The following CUX1 variants were observed in gnomAD, a reference collection of about 807,000 sequenced individuals.
CUX1 encodes the protein protein CASP.
In CUX1, 31 loss-of-function variants were observed where a neutral mutation model predicts 158.8. The ratio of observed to expected loss-of-function variants is 0.20; its 90% CI spans 0.15 to 0.26. The LOEUF is 0.26. Ranked by LOEUF, CUX1 falls within the 10% of genes least tolerant of loss-of-function variation. CUX1 has a pLI of 1.00. For missense variants in CUX1, 1,589 were observed against 2,014.6 expected, an observed-to-expected ratio of 0.79 and a Z score of 4.04; for synonymous variants, 879 against 862.1, an observed-to-expected ratio of 1.02 and a Z score of -0.34.
rs2129333034 is a variant in CUX1 at position 102,028,093 on chromosome 7, T to C, written c.142-5T>C. 2 of 1,612,296 alleles carry C rather than the reference T, an allele frequency of 1.2e-6. No individual in the cohort carries two copies. The highest frequency in any genetic ancestry group is 1.3e-5 in the African/African-American group (1 of 74,972). On this transcript the variant is annotated splice_polypyrimidine_tract_variant and splice_region_variant and intron_variant, in intron 2 of 23. Transcript: ENST00000292535. ...CTGCTTCCTGACCTCCGCCTCCTGCTCCAGGATTTGCGCAAGCAGGTAGCG... is the reference window on the plus strand; with the variant it reads ...CTGCTTCCTGACCTCCGCCTCCTGCCCCAGGATTTGCGCAAGCAGGTAGCG...
intron 2 of CUX1, among the ~76,000 whole-genome samples, chr7:101,948,597 T>G (rs558470848): frequency 2.1e-4 from 32 of 152,330 alleles, no homozygotes; most frequent in Non-Finnish European, 4.0e-4. Context: ...TCTGGGCCTC[T>G]GTATCTGGAT....
At chr7:102,026,808 A>G (rs1334191272) in intron 2 of CUX1, among the ~76,000 whole-genome samples, 2 of 129,948 alleles carry the variant, frequency 1.5e-5, no homozygotes, top group Non-Finnish European at 3.2e-5. Context: ...CAACAGTGAG[A>G]CTCCGTCTTT....
intron 3 of CUX1, among the ~76,000 whole-genome samples, chr7:102,067,157 C>T (rs1020464344): frequency 1.2e-4 from 19 of 152,080 alleles, no homozygotes; most frequent in Non-Finnish European, 2.4e-4. Flanking sequence ...CCCACCCACC[C>T]CCAGTCTGAG....
At chr7:102,115,370 G>A in intron 8 of CUX1, 97 bp downstream of exon 8, 2 of 992,092 alleles carry the variant, frequency 2.0e-6, no homozygotes, top group African/African-American at 3.3e-5. Context: ...CCTCTGTGCT[G>A]CTGCAGGGAC....
At chr7:101,859,480 C>T (rs186532834) in intron 1 of CUX1, among the ~76,000 whole-genome samples, 2 of 152,256 alleles carry the variant, frequency 1.3e-5, no homozygotes, top group Non-Finnish European at 2.9e-5. Flanking sequence ...CATTTCCTAC[C>T]GCCTCAAGCT....
At chr7:102,018,572 G>C (rs1247363485) in intron 2 of CUX1, among the ~76,000 whole-genome samples, 1 of 152,196 alleles carries the variant, frequency 6.6e-6, no homozygotes, top group Non-Finnish European at 1.5e-5. Flanking sequence ...GGCTCTGGCT[G>C]TCCTGTCTGA....
chr7:102,028,106 C>T lies in CUX1; in HGVS notation c.150C>T (p.Arg50=). 1 of 1,612,348 alleles carries T rather than the reference C, an allele frequency of 6.2e-7. No individual in the cohort carries two copies. Among genetic ancestry groups the T allele is most frequent in the Non-Finnish European group, 8.5e-7 (1 of 1,180,016 alleles). The change falls in exon 3 of 24, where the codon CGC becomes CGT. Residue 50 remains arginine, a synonymous_variant. Transcript: ENST00000292535. ...EFKKNTPEDL[R]KQVAPLLKSF... ...TCCGCCTCCTGCTCCAGGATTTGCG[C>T]AAGCAGGTAGCGCCGCTGCTGAAGA... is the stretch of plus-strand genomic sequence containing the variant.
chr7:102,041,298 CTG>C (rs1171243617), intron 3 of CUX1, among the ~76,000 whole-genome samples: 1 of 109,998 alleles, frequency 9.1e-6, no homozygotes, highest in Non-Finnish European at 1.7e-5. Context: ...TAGAGTCTCT[CTG>C]TGTCACCCAG....
intron 8 of CUX1, among the ~76,000 whole-genome samples, chr7:102,118,484 G>C (rs1361254400): frequency 6.6e-6 from 1 of 152,140 alleles, no homozygotes; most frequent in African/African-American, 2.4e-5. Context: ...GCTGCAGTGA[G>C]CCTAATTATA....
rs531378085 is a variant in CUX1, at chr7:102,234,457, A to AT, written c.3622+224dup. On this transcript the variant is annotated intron_variant, in intron 22 of 23. Coordinates refer to ENST00000292535, the MANE Select transcript of CUX1 (RefSeq NM_181552.4). ...TCTCTCCAGCAGCCTGAATCTAAAG[A>AT]TTTTTTTAGCACTGGGAGCACTTTT... 1.7e-3 allele frequency among the ~76,000 whole-genome samples: 259 copies of AT among 152,188 alleles called. 1 individual carries two copies. In the Middle Eastern group the frequency reaches 0.024, roughly 14 times the overall value.
intron 8 of CUX1, among the ~76,000 whole-genome samples, chr7:102,155,193 T>G (rs868958347): frequency 6.6e-6 from 1 of 152,126 alleles, no homozygotes; most frequent in Non-Finnish European, 1.5e-5. Flanking sequence ...GACCTGTGTA[T>G]GTGGACATTG....
chr7:102,087,072 C>A (rs145086850), intron 4 of CUX1, among the ~76,000 whole-genome samples: 3,070 of 152,190 alleles, frequency 0.02, 98 homozygotes, highest in African/African-American at 0.069. Context: ...GCTTTTTTAT[C>A]CATCCTATCT....
chr7:102,089,120 T>C (rs1828267503), intron 4 of CUX1, among the ~76,000 whole-genome samples: 1 of 152,234 alleles, frequency 6.6e-6, no homozygotes, highest in Non-Finnish European at 1.5e-5. Flanking sequence ...TCTAATCTAT[T>C]GTTCAGCCAA....
intron 1 of CUX1, among the ~76,000 whole-genome samples, chr7:101,843,062 T>C (rs963548025): frequency 6.6e-6 from 1 of 151,668 alleles, no homozygotes; most frequent in Non-Finnish European, 1.5e-5. Flanking sequence ...CAGACGGAGT[T>C]TCACCGTGTT....
chr7:101,935,236 C>A (rs1307729103), intron 2 of CUX1, among the ~76,000 whole-genome samples: 1 of 152,192 alleles, frequency 6.6e-6, no homozygotes, highest in East Asian at 1.9e-4. Flanking sequence ...CCTTGTGACC[C>A]CCACTCTGCC....
intron 2 of CUX1, among the ~76,000 whole-genome samples, chr7:101,946,441 G>A (rs1808381239): frequency 6.6e-6 from 1 of 151,988 alleles, no homozygotes; most frequent in African/African-American, 2.4e-5. Flanking sequence ...CTACTTGGGA[G>A]GCTGAGGCAG....
At chr7:101,895,926 T>TG (rs1801460090) in intron 1 of CUX1, among the ~76,000 whole-genome samples, 1 of 134,242 alleles carries the variant, frequency 7.4e-6, no homozygotes, top group Non-Finnish European at 1.6e-5. Context: ...TTTTTTTTTT[T>TG]GGAGACAGGG....
rs555035521 is a variant in CUX1, at chr7:102,255,471, T to C, written c.*6429T>C. 1.4e-5 allele frequency: 14 copies of C among 985,352 alleles called. No individual in the cohort carries two copies. The South Asian group carries it at 5.6e-4, about 40-fold the overall frequency. 61.0% of individuals were successfully genotyped at this position (985,352 alleles called of 1,614,324 possible). A position where few individuals can be genotyped will look rare whatever the true frequency, so the allele number is the denominator to read the frequency against. ...ATGTGCACTTCCCCCATGCCCCCGT[T>C]CTTAAACTCTTAAGATGCCTTTGAG... On this transcript the variant is annotated 3_prime_UTR_variant, in exon 24 of 24. Transcript: ENST00000292535.
At chr7:101,931,151 G>A (rs1806246719) in intron 2 of CUX1, among the ~76,000 whole-genome samples, 1 of 152,172 alleles carries the variant, frequency 6.6e-6, no homozygotes, top group Non-Finnish European at 1.5e-5. Flanking sequence ...CTTTTCCATA[G>A]GTGTCCTTAT....
Sources: gnomAD v4.1 joint callset for allele counts (sites outside exome capture counted in the v4.1 genomes callset) on GRCh38, gnomAD v4.1.1 for gene constraint, MANE v1.5 for transcripts, NCBI Gene and HGNC (gene_info 2026-07-23, HGNC 2026-07-21) for gene names.